Variants in FGF12 observed in about 807,000 individuals in gnomAD.
The protein encoded by FGF12 is fibroblast growth factor 12B.
A neutral mutation model predicts 23.6 loss-of-function variants in FGF12; 14 were observed. The observed-to-expected ratio is 0.59, with a 90% CI of 0.39 to 0.93. The LOEUF is 0.93. FGF12 is among the 40% of genes least tolerant of loss of function. The pLI is 0.00. For missense variants in FGF12, 175 were observed against 217.8 expected, an observed-to-expected ratio of 0.80 and a Z score of 1.24; for synonymous variants, 62 against 77.3, an observed-to-expected ratio of 0.80 and a Z score of 1.04.
chr3:192,257,352 G>A (rs1181672813), intron 4 of FGF12, among the ~76,000 whole-genome samples: 1 of 152,074 alleles, frequency 6.6e-6, no homozygotes, highest in Non-Finnish European at 1.5e-5. Context: ...TCAAAATATA[G>A]CCTGTCCATC....
At chr3:192,431,569 AG>A (rs902075237) in intron 2 of FGF12, among the ~76,000 whole-genome samples, 1 of 152,218 alleles carries the variant, frequency 6.6e-6, no homozygotes, top group African/African-American at 2.4e-5. Context: ...GTGGAAAATC[AG>A]TTCAAAATAC....
At chr3:192,698,632 GGAA>G (rs1718201497) in intron 2 of FGF12, among the ~76,000 whole-genome samples, 3 of 151,982 alleles carry the variant, frequency 2.0e-5, no homozygotes, top group African/African-American at 7.3e-5. Context: ...ACTGACAGTG[GGAA>G]GAAGACAAAA....
intron 2 of FGF12, among the ~76,000 whole-genome samples, chr3:192,507,295 T>TTA (rs1370041450): frequency 6.6e-6 from 1 of 150,946 alleles, no homozygotes; most frequent in Non-Finnish European, 1.5e-5. Context: ...TAGTTGTAGT[T>TTA]TATACTGCCA....
intron 2 of FGF12, among the ~76,000 whole-genome samples, chr3:192,388,180 G>C (rs1212311950): frequency 1.3e-5 from 2 of 152,074 alleles, no homozygotes; most frequent in Non-Finnish European, 2.9e-5. Context: ...AGGATCACTT[G>C]AGCCCTGGAG....
chr3:192,719,802 A>AAAAAAAAAAC (rs1553849219), intron 2 of FGF12, among the ~76,000 whole-genome samples: 1 of 138,956 alleles, frequency 7.2e-6, no homozygotes, highest in East Asian at 2.3e-4. Flanking sequence ...AAAAAAAAAA[A>AAAAAAAAAAC]AAGAAAAACA....
At chr3:192,406,142 G>C (rs575792385) in intron 2 of FGF12, among the ~76,000 whole-genome samples, 6 of 152,194 alleles carry the variant, frequency 3.9e-5, no homozygotes, top group African/African-American at 1.4e-4. Context: ...GTTTTCTAAT[G>C]AGATGCTAAG....
At chr3:192,273,179 T>C (rs1713557156) in intron 4 of FGF12, among the ~76,000 whole-genome samples, 1 of 152,166 alleles carries the variant, frequency 6.6e-6, no homozygotes, top group South Asian at 2.1e-4. Flanking sequence ...CTGAACCACT[T>C]ATGCTGTTAC....
At chr3:192,302,251 C>G (rs1715390991) in intron 4 of FGF12, among the ~76,000 whole-genome samples, 1 of 152,182 alleles carries the variant, frequency 6.6e-6, no homozygotes, top group African/African-American at 2.4e-5. Flanking sequence ...AGGCAACTGA[C>G]TTTGTGAAGT....
At chr3:192,535,958 C>T (rs1725213468) in intron 2 of FGF12, among the ~76,000 whole-genome samples, 1 of 152,146 alleles carries the variant, frequency 6.6e-6, no homozygotes, top group Non-Finnish European at 1.5e-5. Flanking sequence ...ATCTAACCAC[C>T]CACAAATGCT....
intron 4 of FGF12, among the ~76,000 whole-genome samples, chr3:192,200,102 A>G (rs923362088): frequency 1.3e-5 from 2 of 151,600 alleles, no homozygotes; most frequent in Admixed American, 6.6e-5. Flanking sequence ...GGATTGTCTG[A>G]GCTCAGGAGT....
intron 2 of FGF12, among the ~76,000 whole-genome samples, chr3:192,629,986 C>T (rs1715322316): frequency 6.6e-6 from 1 of 152,104 alleles, no homozygotes. Flanking sequence ...AACTGGAATC[C>T]CCGGTATCAG....
At chr3:192,706,693 A>C (rs1020577385) in intron 2 of FGF12, among the ~76,000 whole-genome samples, 2 of 152,168 alleles carry the variant, frequency 1.3e-5, no homozygotes, top group African/African-American at 4.8e-5. Context: ...TCCGCTTACA[A>C]CACACTAAGG....
At chr3:192,451,079 C>T (rs1722506961) in intron 2 of FGF12, among the ~76,000 whole-genome samples, 1 of 152,198 alleles carries the variant, frequency 6.6e-6, no homozygotes, top group South Asian at 2.1e-4. Flanking sequence ...ATGGTGACTA[C>T]ATATGTATCT....
chr3:192,182,393 T>C (rs1716230027), intron 4 of FGF12, among the ~76,000 whole-genome samples: 1 of 152,124 alleles, frequency 6.6e-6, no homozygotes, highest in Admixed American at 6.6e-5. Flanking sequence ...TTATAAAACA[T>C]ATATTCTGAA....
chr3:192,302,797 A>C (rs375502968), intron 4 of FGF12, among the ~76,000 whole-genome samples: 84 of 152,348 alleles, frequency 5.5e-4, no homozygotes, highest in African/African-American at 1.7e-3. Flanking sequence ...TTGGTGCCTG[A>C]TCTTAAGGAG....
At chr3:192,644,656 C>T (rs920413139) in intron 2 of FGF12, among the ~76,000 whole-genome samples, 1 of 152,086 alleles carries the variant, frequency 6.6e-6, no homozygotes, top group African/African-American at 2.4e-5. Flanking sequence ...GCTCTTTACA[C>T]ACATCTTCTC....
rs140329489 is a variant in FGF12, at chr3:192,432,972, T to C, written c.14-72434A>G. Among the ~76,000 whole-genome samples the C allele has an allele frequency of 7.4e-4, 112 of 152,320 alleles. 2 individuals are homozygous for C. In the East Asian group the frequency reaches 0.018, roughly 24 times the overall value. On this transcript the variant is annotated intron_variant, in intron 2 of 5. Transcript: ENST00000445105. ...ATTGGTGAACTCCCTGAGGGTACCA[T>C]ATCATCTGATTTCCCACACAATTTC...
At chr3:192,490,213 C>T (rs200770508) in intron 2 of FGF12, among the ~76,000 whole-genome samples, 1 of 151,746 alleles carries the variant, frequency 6.6e-6, no homozygotes, top group Non-Finnish European at 1.5e-5. Context: ...CTTTAGCTCT[C>T]AAATAGCCAC....
intron 2 of FGF12, among the ~76,000 whole-genome samples, chr3:192,384,067 CA>C (rs955476377): frequency 2.0e-5 from 3 of 152,046 alleles, no homozygotes; most frequent in African/African-American, 7.2e-5. Flanking sequence ...AGGAATTAAC[CA>C]GCAATGTTGA....
Sources: allele counts gnomAD v4.1 joint callset (sites outside exome capture counted in the v4.1 genomes callset), GRCh38; gene constraint gnomAD v4.1.1; transcripts MANE v1.5; gene names NCBI Gene and HGNC (gene_info 2026-07-23, HGNC 2026-07-21).